The following CDKN2B-AS1 variants were observed in gnomAD, a reference collection of about 807,000 sequenced individuals.
CDKN2B-AS1 encodes CDKN2B antisense RNA 1 (non-protein coding).
chr9:22,012,162 T>C lies in CDKN2B-AS1; in HGVS notation n.29+17001T>C. ...CGAGCTGCAGACACAGAGATGCAGA[T>C]CTTTGTGAAGACCCTCACGGGCAAG... On this transcript the variant is annotated intron_variant and non_coding_transcript_variant, in intron 1 of 4. Coordinates refer to ENST00000650946, the Ensembl canonical transcript of CDKN2B-AS1. 5 of 1,337,266 alleles carry C rather than the reference T, an allele frequency of 3.7e-6. No individual in the cohort carries two copies. The South Asian group carries it at 4.7e-5, about 13-fold the overall frequency. The allele number at this position is 1,337,266 out of a possible 1,614,324, so 82.8% of individuals were successfully genotyped here.
intron 4 of CDKN2B-AS1, among the ~76,000 whole-genome samples, chr9:22,101,146 A>G (rs1825470575): frequency 6.6e-6 from 1 of 152,188 alleles, no homozygotes; most frequent in Non-Finnish European, 1.5e-5. Flanking sequence ...ACACCCTTCA[A>G]CAGACTGCGC....
At chr9:22,081,139 A>G (rs931086105) in intron 4 of CDKN2B-AS1, among the ~76,000 whole-genome samples, 4 of 152,186 alleles carry the variant, frequency 2.6e-5, no homozygotes, top group Admixed American at 6.5e-5. Context: ...ACTGTAGCTT[A>G]TATCATAAGT....
exon 5 of CDKN2B-AS1, among the ~76,000 whole-genome samples, chr9:22,127,627 T>C (rs1253333653): frequency 6.6e-6 from 1 of 152,094 alleles, no homozygotes; most frequent in Non-Finnish European, 1.5e-5. Flanking sequence ...CTGTGTCCAC[T>C]GAGGATCTCT....
At chr9:22,015,115 G>A (rs1364539919) in intron 1 of CDKN2B-AS1, among the ~76,000 whole-genome samples, 3 of 151,942 alleles carry the variant, frequency 2.0e-5, no homozygotes, top group Non-Finnish European at 4.4e-5. Context: ...AATCCTTTGG[G>A]TATATACCCA....
chr9:22,053,554 T>C (rs768655147), intron 3 of CDKN2B-AS1, among the ~76,000 whole-genome samples: 4 of 152,212 alleles, frequency 2.6e-5, no homozygotes, highest in Non-Finnish European at 5.9e-5. Context: ...GTACCACTGA[T>C]AACTTGTTTT....
At chr9:22,116,415 C>T (rs867156102) in intron 4 of CDKN2B-AS1, among the ~76,000 whole-genome samples, 8 of 152,114 alleles carry the variant, frequency 5.3e-5, no homozygotes, top group African/African-American at 1.9e-4. Flanking sequence ...ACAGACCCAA[C>T]AGAGTATGAA....
chr9:22,109,295 C>G lies in CDKN2B-AS1; in HGVS notation n.439-17808C>G, dbSNP rs1234270537. Among the ~76,000 whole-genome samples, 8 of 152,152 alleles carry G rather than the reference C, an allele frequency of 5.3e-5. No homozygotes were observed. The East Asian group carries it at 1.3e-3, about 26-fold the overall frequency. ...GAAGCAAGCAAAGCTTCTTTATGAG[C>G]TTTTATTTAATTGTCCTTGCCACAT... On this transcript the variant is annotated intron_variant and non_coding_transcript_variant, in intron 4 of 4. Coordinates refer to ENST00000650946, the Ensembl canonical transcript of CDKN2B-AS1.
At chr9:22,112,715 A>G (rs1825832974) in intron 4 of CDKN2B-AS1, among the ~76,000 whole-genome samples, 1 of 152,192 alleles carries the variant, frequency 6.6e-6, no homozygotes, top group South Asian at 2.1e-4. Context: ...CCAAACTATT[A>G]TAGCAAAATT....
At chr9:22,083,486 GA>G (rs1163464277) in intron 4 of CDKN2B-AS1, among the ~76,000 whole-genome samples, 1 of 152,212 alleles carries the variant, frequency 6.6e-6, no homozygotes, top group African/African-American at 2.4e-5. Context: ...AAATCTCAAT[GA>G]GTAGCCAGTT....
chr9:22,023,286 A>G (rs1292033556), intron 1 of CDKN2B-AS1, among the ~76,000 whole-genome samples: 2 of 152,176 alleles, frequency 1.3e-5, no homozygotes, highest in African/African-American at 4.8e-5. Flanking sequence ...TGGTCTCTAT[A>G]TAATCCTATA....
At chr9:22,089,599 ATC>A (rs1345012416) in intron 4 of CDKN2B-AS1, among the ~76,000 whole-genome samples, 4 of 151,540 alleles carry the variant, frequency 2.6e-5, no homozygotes, top group African/African-American at 9.7e-5. Flanking sequence ...CCTGGCTAAT[ATC>A]TCTCTTTTCT....
At chr9:22,106,465 C>A (rs1174518647) in intron 4 of CDKN2B-AS1, among the ~76,000 whole-genome samples, 1 of 152,202 alleles carries the variant, frequency 6.6e-6, no homozygotes, top group Admixed American at 6.5e-5. Flanking sequence ...GATCTGCCCA[C>A]CTTGGCTTCC....
chr9:22,051,768 T>G (rs1162242706), intron 3 of CDKN2B-AS1, among the ~76,000 whole-genome samples: 1 of 152,148 alleles, frequency 6.6e-6, no homozygotes, highest in African/African-American at 2.4e-5. Context: ...TCAGTGAAGT[T>G]TTTGCTTCTA....
chr9:22,103,131 ATGTGTGTGTGTGTGTGTG>A (rs3221506), intron 4 of CDKN2B-AS1, among the ~76,000 whole-genome samples: 1,443 of 132,516 alleles, frequency 0.011, 23 homozygotes, highest in African/African-American at 0.034. Context: ...TCTAGAACAG[ATGTGTGTGTGTGTGTGTG>A]TGTGTGTGTG....
intron 4 of CDKN2B-AS1, among the ~76,000 whole-genome samples, chr9:22,088,884 C>G (rs1824959357): frequency 6.6e-6 from 1 of 152,142 alleles, no homozygotes; most frequent in South Asian, 2.1e-4. Flanking sequence ...AGTCCCTTTG[C>G]TAAAATAAAC....
chr9:22,125,875 T>C (rs1818010929), intron 4 of CDKN2B-AS1, among the ~76,000 whole-genome samples: 1 of 152,206 alleles, frequency 6.6e-6, no homozygotes, highest in South Asian at 2.1e-4. Context: ...ATAGTTGATA[T>C]AAGCAGATAT....
intron 4 of CDKN2B-AS1, chr9:22,121,151 A>C (rs1168234860): frequency 6.6e-6 from 1 of 152,100 alleles, no homozygotes; most frequent in Non-Finnish European, 1.5e-5. Flanking sequence ...ATAATCACTA[A>C]TGTTTTAAAG....
chr9:22,085,503 G>C (rs1824839380), intron 4 of CDKN2B-AS1, among the ~76,000 whole-genome samples: 1 of 152,062 alleles, frequency 6.6e-6, no homozygotes, highest in Non-Finnish European at 1.5e-5. Context: ...GGCGGATCAC[G>C]AGGTCAGGAG....
chr9:22,121,054 T>C (rs549630706), intron 4 of CDKN2B-AS1: 1 of 152,236 alleles, frequency 6.6e-6, no homozygotes, highest in South Asian at 2.1e-4. Context: ...CTATGCTATA[T>C]ACATACAAAT....
Sources: allele counts gnomAD v4.1 joint callset (sites outside exome capture counted in the v4.1 genomes callset), GRCh38; gene constraint gnomAD v4.1.1; transcripts MANE v1.5; gene names NCBI Gene and HGNC (gene_info 2026-07-23, HGNC 2026-07-21).